Variants in CPPED1 observed in about 807,000 individuals in gnomAD.
The protein encoded by CPPED1 is calcineurin like phosphoesterase domain containing 1, also known as serine/threonine-protein phosphatase CPPED1.
A neutral mutation model predicts 28.0 loss-of-function variants in CPPED1; 28 were observed. The observed-to-expected ratio is 1.00, with a 90% CI of 0.74 to 1.37. CPPED1 has a LOEUF of 1.37. Ranked by LOEUF, CPPED1 falls within the 40% of genes most tolerant of loss-of-function variation. The pLI is 0.00. For missense variants in CPPED1, 504 were observed against 416.5 expected, an observed-to-expected ratio of 1.21 and a Z score of -1.83; for synonymous variants, 198 against 180.2, an observed-to-expected ratio of 1.10 and a Z score of -0.79.
At chr16:12,725,850 G>GAC (rs1305123890) in intron 2 of CPPED1, among the ~76,000 whole-genome samples, 1 of 152,100 alleles carries the variant, frequency 6.6e-6, no homozygotes, top group Non-Finnish European at 1.5e-5. Context: ...CTGTCACTTT[G>GAC]ACACCACCTC....
At chr16:12,802,671 C>G (rs1364179999) in intron 1 of CPPED1, among the ~76,000 whole-genome samples, 3 of 152,148 alleles carry the variant, frequency 2.0e-5, no homozygotes, top group African/African-American at 7.2e-5. Context: ...CAGGTAAAGT[C>G]TCTGAGGAAG....
intron 3 of CPPED1, among the ~76,000 whole-genome samples, chr16:12,684,848 G>C (rs1002734677): frequency 6.6e-6 from 1 of 152,164 alleles, no homozygotes; most frequent in African/African-American, 2.4e-5. Flanking sequence ...TGGATGGATG[G>C]ATGCACAGTG....
intron 2 of CPPED1, among the ~76,000 whole-genome samples, chr16:12,708,738 T>G (rs1043488212): frequency 1.3e-5 from 2 of 152,200 alleles, no homozygotes; most frequent in Non-Finnish European, 2.9e-5. Context: ...AACAACAACT[T>G]AGTATTAACA....
intron 1 of CPPED1, among the ~76,000 whole-genome samples, chr16:12,784,206 T>A (rs1314357843): frequency 1.3e-5 from 2 of 152,174 alleles, no homozygotes; most frequent in African/African-American, 2.4e-5. Context: ...GCCAATGTGC[T>A]GAGGAACAGA....
intron 3 of CPPED1, among the ~76,000 whole-genome samples, chr16:12,675,572 C>T (rs1323157701): frequency 3.9e-5 from 6 of 152,194 alleles, no homozygotes; most frequent in Non-Finnish European, 8.8e-5. Flanking sequence ...TCAAATCAAT[C>T]AGGAAATTGA....
chr16:12,720,210 C>G (rs550195602), intron 2 of CPPED1: 3 of 153,832 alleles, frequency 2.0e-5, no homozygotes, highest in Admixed American at 6.5e-5. Flanking sequence ...GGAGATGGCA[C>G]CCCAGATAAA....
intron 2 of CPPED1, among the ~76,000 whole-genome samples, chr16:12,721,984 T>C (rs1168337744): frequency 6.6e-6 from 1 of 152,138 alleles, no homozygotes; most frequent in Non-Finnish European, 1.5e-5. Flanking sequence ...AAGAATGTTT[T>C]TTTTTCCCAG....
intron 2 of CPPED1, among the ~76,000 whole-genome samples, chr16:12,708,408 T>C (rs894038879): frequency 1.3e-5 from 2 of 152,154 alleles, no homozygotes; most frequent in African/African-American, 4.8e-5. Context: ...GAATTCCTAC[T>C]AAGATAATGA....
Position 12,717,266 on chromosome 16 carries a change from G to A in CPPED1, c.290-12217C>T, listed in dbSNP as rs76563881. Among the ~76,000 whole-genome samples the A allele has an allele frequency of 4.1e-3, 626 of 152,176 alleles. 3 individuals carry two copies. Among genetic ancestry groups the A allele is most frequent in the African/African-American group, 0.014 (578 of 41,544 alleles). On this transcript the variant is annotated intron_variant, in intron 2 of 3. Transcript: ENST00000381774. The stretch of plus-strand genomic sequence containing the variant: ...ATCTGAATCTATAAGAATCCTATTG[G>A]GATCTTTTTTTCTTTGAGGCGGAGT...
chr16:12,672,556 T>C (rs148006022), intron 3 of CPPED1, among the ~76,000 whole-genome samples: 39 of 152,176 alleles, frequency 2.6e-4, no homozygotes, highest in African/African-American at 9.4e-4. Flanking sequence ...CCTTAGAAGG[T>C]TTGTGTGCAT....
chr16:12,748,815 A>C (rs1039142731), intron 2 of CPPED1, among the ~76,000 whole-genome samples: 2 of 151,686 alleles, frequency 1.3e-5, no homozygotes, highest in Admixed American at 1.3e-4. Flanking sequence ...CCCAGGAGGC[A>C]GAGGCTGCAG....
At chr16:12,671,279 T>G (rs1241617044) in intron 3 of CPPED1, among the ~76,000 whole-genome samples, 2 of 152,200 alleles carry the variant, frequency 1.3e-5, no homozygotes, top group African/African-American at 2.4e-5. Context: ...AGCCCATGAT[T>G]AGATTCCCTT....
Position 12,662,949 on chromosome 16 carries a change from G to A in CPPED1, c.*1937C>T, listed in dbSNP as rs2079803717. On this transcript the variant is annotated 3_prime_UTR_variant, in exon 4 of 4. Coordinates refer to ENST00000381774, the MANE Select transcript of CPPED1 (RefSeq NM_018340.3). ...AGAGCATTGTGCATACGTAAGAACA[G>A]AGTGAGAGCTCCTTTTCATTTCCCC... 1 of 152,208 alleles carries A rather than the reference G, an allele frequency of 6.6e-6. No homozygotes were observed. Among genetic ancestry groups the A allele is most frequent in the Non-Finnish European group, 1.5e-5 (1 of 68,080 alleles). The allele number at this position is 152,208 out of a possible 1,614,324, so 9.4% of individuals were successfully genotyped here.
At chr16:12,747,365 G>A (rs1386964102) in intron 2 of CPPED1, among the ~76,000 whole-genome samples, 5 of 151,914 alleles carry the variant, frequency 3.3e-5, no homozygotes, top group African/African-American at 9.7e-5. Context: ...CTGACAGGGT[G>A]ATGCTGCAGG....
intron 2 of CPPED1, among the ~76,000 whole-genome samples, chr16:12,768,716 T>C (rs2080453193): frequency 6.6e-6 from 1 of 152,216 alleles, no homozygotes; most frequent in Non-Finnish European, 1.5e-5. Flanking sequence ...CATTTCCTTC[T>C]ATTATGAAGT....
At chr16:12,679,812 G>C (rs986200241) in intron 3 of CPPED1, among the ~76,000 whole-genome samples, 3 of 152,150 alleles carry the variant, frequency 2.0e-5, no homozygotes, top group Non-Finnish European at 4.4e-5. Context: ...CTCCCCAAGA[G>C]CAGTGACAGA....
chr16:12,703,677 G>A (rs2080032160), intron 3 of CPPED1, among the ~76,000 whole-genome samples: 1 of 85,952 alleles, frequency 1.2e-5, no homozygotes, highest in Non-Finnish European at 2.1e-5. Flanking sequence ...ACAAGACTTT[G>A]TCTCAAAAAA....
At chr16:12,725,266 G>A (rs2080163985) in intron 2 of CPPED1, among the ~76,000 whole-genome samples, 1 of 151,964 alleles carries the variant, frequency 6.6e-6, no homozygotes, top group Non-Finnish European at 1.5e-5. Flanking sequence ...GCTAATTTTT[G>A]TATTTTTAGT....
At chr16:12,673,302 G>A (rs1292232513) in intron 3 of CPPED1, among the ~76,000 whole-genome samples, 1 of 152,214 alleles carries the variant, frequency 6.6e-6, no homozygotes, top group Admixed American at 6.5e-5. Context: ...GACCGCGTAA[G>A]ATCAGCCCTG....
Sources: gnomAD v4.1 joint callset for allele counts (sites outside exome capture counted in the v4.1 genomes callset) on GRCh38, gnomAD v4.1.1 for gene constraint, MANE v1.5 for transcripts, NCBI Gene and HGNC (gene_info 2026-07-23, HGNC 2026-07-21) for gene names.